The following PEX3 variants were observed in gnomAD, a reference collection of about 807,000 sequenced individuals.
PEX3 encodes peroxin-3.
Under a neutral mutation model 55.8 loss-of-function variants are expected in PEX3, and 30 were observed. The ratio of observed to expected loss-of-function variants is 0.54; its 90% CI spans 0.40 to 0.73. The LOEUF (loss-of-function observed/expected upper bound fraction) is 0.73. Among genes scored for constraint, PEX3 ranks in the 30% least tolerant of loss-of-function variants. The pLI, the probability that PEX3 is intolerant of heterozygous loss-of-function variation, is 0.00. For missense variants in PEX3, 351 were observed against 432.8 expected (o/e 0.81, Z 1.68); for synonymous variants, 135 against 148.4 (o/e 0.91, Z 0.66).
chr6:143,468,485 A>AT (rs1371185562), intron 4 of PEX3, among the ~76,000 whole-genome samples: 1 of 152,102 alleles, frequency 6.6e-6, no homozygotes, highest in Non-Finnish European at 1.5e-5. Flanking sequence ...ATTTACTTTG[A>AT]TATTGTATTG....
Position 143,487,872 on chromosome 6 carries a change from A to G in PEX3, c.1039-1271A>G, listed in dbSNP as rs1358560917. On this transcript the variant is annotated intron_variant, in intron 11 of 11. Transcript: ENST00000367591. This position sits in a 1 kb window ranked among gnomAD's most constrained non-coding sequence, Gnocchi z 5.3. ...GTTAAAGTAATGTTACTTAAAGCCA[A>G]TAAGAACATAAATATAAACAAATGC... Among the ~76,000 whole-genome samples, 1 of 152,134 alleles carries G rather than the reference A, an allele frequency of 6.6e-6. No individual in the cohort carries two copies. The highest frequency in any genetic ancestry group is 1.5e-5 in the Non-Finnish European group (1 of 67,996).
At chr6:143,481,182 C>A (rs978269451) in intron 10 of PEX3, among the ~76,000 whole-genome samples, 1 of 147,298 alleles carries the variant, frequency 6.8e-6, no homozygotes, top group African/African-American at 2.5e-5. Context: ...AATATATATG[C>A]AACATATATG....
chr6:143,461,656 G>C (rs1779922452), intron 2 of PEX3, among the ~76,000 whole-genome samples: 2 of 152,036 alleles, frequency 1.3e-5, no homozygotes, highest in South Asian at 4.1e-4. Context: ...TTTAGAATGT[G>C]GTGTTCATAG....
chr6:143,453,382 G>A lies in PEX3; in HGVS notation c.73+2267G>A, dbSNP rs544348315. Among the ~76,000 whole-genome samples, 1 of 152,338 alleles carries A rather than the reference G, an allele frequency of 6.6e-6. No homozygotes were observed. Among genetic ancestry groups the A allele is most frequent in the Non-Finnish European group, 1.5e-5 (1 of 68,032 alleles). On this transcript the variant is annotated intron_variant, in intron 1 of 11. Transcript: ENST00000367591. The surrounding 1 kb of genome is among the most constrained non-coding windows in gnomAD (Gnocchi z 4.6). ...AAGTAAGTAAGTAAAACCTTGAGTA[G>A]CAGGCCTTCTTAAGTAACAATTTCT...
In PEX3 at chr6:143,487,809, AT is replaced by A. The variant is rs1780340414; in HGVS notation, c.1039-1330del. On this transcript the variant is annotated intron_variant, in intron 11 of 11. Coordinates refer to ENST00000367591, the MANE Select transcript of PEX3 (RefSeq NM_003630.3). This position sits in a 1 kb window ranked among gnomAD's most constrained non-coding sequence, Gnocchi z 5.3. ...ACATGATTTGGTCTTCATTTGAAAG[AT>A]TTTCTGCCTCTGTTCTTCTCTCATT... Among the ~76,000 whole-genome samples, 1 of 151,898 alleles carries A rather than the reference AT, an allele frequency of 6.6e-6. No homozygotes were observed. The highest frequency in any genetic ancestry group is 2.4e-5 in the African/African-American group (1 of 41,342).
At chr6:143,473,246 C>CA (rs1348287010) in intron 8 of PEX3, among the ~76,000 whole-genome samples, 2 of 149,254 alleles carry the variant, frequency 1.3e-5, no homozygotes, top group East Asian at 1.9e-4. Flanking sequence ...ATGAGTAGGC[C>CA]AAAAAAAAAG....
chr6:143,474,589 C>G (rs773215785), intron 8 of PEX3, among the ~76,000 whole-genome samples, 197 bp from the exon 9 acceptor site: 1 of 152,156 alleles, frequency 6.6e-6, no homozygotes, highest in Admixed American at 6.5e-5. Context: ...TACTTTTACT[C>G]ATGTCTTAAA....
chr6:143,479,339 A>G lies in PEX3; in HGVS notation c.941+141A>G, dbSNP rs904477818. 18 of 649,996 alleles carry G rather than the reference A, an allele frequency of 2.8e-5. No homozygotes were observed. Among genetic ancestry groups the G allele is most frequent in the Non-Finnish European group, 4.4e-5 (16 of 363,694 alleles). 40.3% of individuals were successfully genotyped at this position (649,996 alleles called of 1,614,324 possible). On this transcript the variant is annotated intron_variant, in intron 10 of 11. Coordinates refer to ENST00000367591, the MANE Select transcript of PEX3 (RefSeq NM_003630.3). The surrounding 1 kb of genome is among the most constrained non-coding windows in gnomAD (Gnocchi z 4.6). ...TTAACAAATTAAACTCTGTTAAACC[A>G]ACAACTTCTTCACTAGCAGAAGCTC...
chr6:143,486,969 C>T lies in PEX3; in HGVS notation c.1038+1721C>T, dbSNP rs189324659. ...ACAAAACTTTATATACAAAAACAGG[C>T]GGCAGTGGATTTGGCCTGCAGGCCA... is the stretch of plus-strand genomic sequence containing the variant. On this transcript the variant is annotated intron_variant, in intron 11 of 11. Coordinates refer to ENST00000367591, the MANE Select transcript of PEX3 (RefSeq NM_003630.3). This position sits in a 1 kb window ranked among gnomAD's most constrained non-coding sequence, Gnocchi z 5.0. Among the ~76,000 whole-genome samples, 683 of 152,218 alleles carry T rather than the reference C, an allele frequency of 4.5e-3. 3 individuals carry two copies. Among genetic ancestry groups the T allele is most frequent in the Non-Finnish European group, 6.0e-3 (407 of 67,996 alleles).
intron 3 of PEX3, 63 bp from the exon 4 acceptor site, chr6:143,468,059 T>A (rs11757544): frequency 2.3e-6 from 2 of 882,912 alleles, no homozygotes; most frequent in Non-Finnish European, 3.6e-6. Flanking sequence ...ATCTATAAAA[T>A]TCAGAGTTTT....
chr6:143,482,500 AT>A lies in PEX3; in HGVS notation c.942-2645del, dbSNP rs1438354023. Among the ~76,000 whole-genome samples, 1 of 152,038 alleles carries A rather than the reference AT, an allele frequency of 6.6e-6. No homozygotes were observed. Among genetic ancestry groups the A allele is most frequent in the African/African-American group, 2.4e-5 (1 of 41,432 alleles). On this transcript the variant is annotated intron_variant, in intron 10 of 11. Transcript: ENST00000367591. The surrounding 1 kb of genome is among the most constrained non-coding windows in gnomAD (Gnocchi z 5.5). ...TCTATTGGAGATTGGAGGATGGTTG[AT>A]TTTTTTCATCTTAAACCTGACAAAT...
Position 143,471,442 on chromosome 6 carries a change from T to G in PEX3, c.516T>G (p.Leu172=), listed in dbSNP as rs762973381. The change falls in exon 6 of 12, where the codon CTT becomes CTG. Residue 172 remains leucine (L), a synonymous_variant. Coordinates refer to ENST00000367591, the MANE Select transcript of PEX3 (RefSeq NM_003630.3). This position sits in a 1 kb window ranked among gnomAD's most constrained non-coding sequence, Gnocchi z 5.4. ...ATTTATCAAGTATTCAGCACCTACT[T>G]GGAGATGGTAAGATTCTTATTTGTG... ...QQYLSSIQHL[L]GDGLTELITV... The G allele has an allele frequency of 1.3e-6, 2 of 1,598,942 alleles. No individual in the cohort carries two copies. Among genetic ancestry groups the G allele is most frequent in the Non-Finnish European group, 8.6e-7 (1 of 1,166,722 alleles).
At chr6:143,456,874 G>A (rs1049546433) in intron 1 of PEX3, among the ~76,000 whole-genome samples, 34 of 152,004 alleles carry the variant, frequency 2.2e-4, no homozygotes, top group African/African-American at 6.3e-4. Flanking sequence ...CTGATTTCAC[G>A]TTCAGGAAAA....
chr6:143,470,899 GT>G, intron 4 of PEX3, 61 bp from the exon 5 acceptor site: 1 of 1,464,824 alleles, frequency 6.8e-7, no homozygotes, highest in African/African-American at 1.4e-5. Flanking sequence ...CCTTAGGATG[GT>G]TCATGATTTT....
chr6:143,450,941 G>A lies in PEX3; in HGVS notation c.-102G>A, dbSNP rs1223572232. 7.7e-6 allele frequency: 7 copies of A among 911,678 alleles called. No individual in the cohort carries two copies. Among genetic ancestry groups the A allele is most frequent in the Non-Finnish European group, 9.3e-6 (5 of 538,454 alleles). The allele number at this position is 911,678 out of a possible 1,614,324, so 56.5% of individuals were successfully genotyped here. A position where few individuals can be genotyped will look rare whatever the true frequency, so the allele number is the denominator to read the frequency against. ...ATTTCGGGAGAGCACAGAACGGGAC[G>A]ACGGCGCTCTTGCTGGGTCATCTGG... On this transcript the variant is annotated 5_prime_UTR_variant, in exon 1 of 12. Coordinates refer to ENST00000367591, the MANE Select transcript of PEX3 (RefSeq NM_003630.3).
rs941703055 is a variant in PEX3, at chr6:143,483,343, A to C, written c.942-1809A>C. ...AAAGGAGAAGAACACTGAACGTATA[A>C]TAGAAAAATTTAAACAAAAGTAGAC... On this transcript the variant is annotated intron_variant, in intron 10 of 11. Coordinates refer to ENST00000367591, the MANE Select transcript of PEX3 (RefSeq NM_003630.3). This position sits in a 1 kb window ranked among gnomAD's most constrained non-coding sequence, Gnocchi z 4.3. Among the ~76,000 whole-genome samples the C allele has an allele frequency of 2.6e-5, 4 of 152,208 alleles. No homozygotes were observed. Among genetic ancestry groups the C allele is most frequent in the Admixed American group, 1.3e-4 (2 of 15,270 alleles).
Position 143,489,032 on chromosome 6 carries a change from C to G in PEX3, c.1039-111C>G. The G allele has an allele frequency of 4.0e-6, 3 of 754,366 alleles. No homozygotes were observed. The highest frequency in any genetic ancestry group is 7.2e-6 in the Non-Finnish European group (3 of 416,808). The allele number at this position is 754,366 out of a possible 1,614,324, so 46.7% of individuals were successfully genotyped here. On this transcript the variant is annotated intron_variant, in intron 11 of 11. Coordinates refer to ENST00000367591, the MANE Select transcript of PEX3 (RefSeq NM_003630.3). This position sits in a 1 kb window ranked among gnomAD's most constrained non-coding sequence, Gnocchi z 5.5. Reference sequence around the variant, plus strand: ...ACTCATTTTCTTAAATGGTTTGCCTCTTGGCCTTTACCACAAAACTTAGAG... The same window carrying G: ...ACTCATTTTCTTAAATGGTTTGCCTGTTGGCCTTTACCACAAAACTTAGAG...
rs1383271181 is a variant in PEX3 at position 143,479,968 on chromosome 6, T to A, written c.941+770T>A. On this transcript the variant is annotated intron_variant, in intron 10 of 11. Transcript: ENST00000367591. This position sits in a 1 kb window ranked among gnomAD's most constrained non-coding sequence, Gnocchi z 4.6. ...ACATCCTTTGAAGTAGCTTTAAAATTTTTTTTTTAATTGGGGACACAGTAA... is the reference window on the plus strand; with the variant it reads ...ACATCCTTTGAAGTAGCTTTAAAATATTTTTTTTAATTGGGGACACAGTAA... 1.3e-5 allele frequency among the ~76,000 whole-genome samples: 2 copies of A among 151,428 alleles called. No homozygotes were observed. Among genetic ancestry groups the A allele is most frequent in the Non-Finnish European group, 3.0e-5 (2 of 67,712 alleles).
intron 2 of PEX3, among the ~76,000 whole-genome samples, chr6:143,461,986 T>C (rs1361448230): frequency 6.6e-6 from 1 of 152,194 alleles, no homozygotes; most frequent in Non-Finnish European, 1.5e-5. Context: ...TATTTTTTCA[T>C]TTTGTTATCG....
Sources: gnomAD v4.1 joint callset for allele counts (sites outside exome capture counted in the v4.1 genomes callset) on GRCh38, gnomAD v4.1.1 for gene constraint, Gnocchi (gnomAD v3.1) non-coding constraint, MANE v1.5 for transcripts, NCBI Gene and HGNC (gene_info 2026-07-23, HGNC 2026-07-21) for gene names.